Variants in ADCY8 observed in about 807,000 individuals in gnomAD.
The protein encoded by ADCY8 is adenylate cyclase type 8.
In ADCY8, 51 loss-of-function variants were observed where a neutral mutation model predicts 119.7. That is an observed-to-expected ratio of 0.43 (90% CI 0.34 to 0.54). The LOEUF (loss-of-function observed/expected upper bound fraction) is 0.54, where lower values mean the gene tolerates loss of function less well. Among genes scored for constraint, ADCY8 ranks in the 20% least tolerant of loss-of-function variants. ADCY8 has a pLI of 0.03. For missense variants in ADCY8, 1,383 were observed against 1,598.8 expected (o/e 0.87, Z 2.30); for synonymous variants, 665 against 651.0 (o/e 1.02, Z -0.33).
At chr8:131,025,970 C>A (rs1586666423) in intron 1 of ADCY8, among the ~76,000 whole-genome samples, 1 of 152,318 alleles carries the variant, frequency 6.6e-6, no homozygotes, top group Middle Eastern at 3.4e-3. Flanking sequence ...ATAGCAGGAT[C>A]CTGGATTCTT....
At chr8:130,882,852 A>G (rs1041125639) in intron 8 of ADCY8, among the ~76,000 whole-genome samples, 1 of 152,212 alleles carries the variant, frequency 6.6e-6, no homozygotes. Context: ...AATGAAGAGT[A>G]TCTCGGTAAG....
intron 7 of ADCY8, among the ~76,000 whole-genome samples, chr8:130,897,859 T>C (rs367841123): frequency 0.011 from 1,607 of 147,276 alleles, 32 homozygotes; most frequent in African/African-American, 0.039. Context: ...AATACACATA[T>C]AAACACCACA....
chr8:130,914,821 A>G (rs1586566552), intron 5 of ADCY8, among the ~76,000 whole-genome samples: 1 of 152,174 alleles, frequency 6.6e-6, no homozygotes. Context: ...TTCTCTAGAC[A>G]CTCGGATTCT....
chr8:130,981,973 T>C (rs903516721), intron 2 of ADCY8, among the ~76,000 whole-genome samples: 29 of 152,210 alleles, frequency 1.9e-4, no homozygotes, highest in African/African-American at 6.8e-4. Context: ...AGATGTTGAA[T>C]CTAAGGTTGG....
intron 2 of ADCY8, among the ~76,000 whole-genome samples, chr8:130,980,507 A>G (rs1234408464): frequency 6.6e-6 from 1 of 152,196 alleles, no homozygotes; most frequent in African/African-American, 2.4e-5. Context: ...ATGTGGAAAA[A>G]AGATGGATGA....
At chr8:130,785,260 T>A (rs1267928459) in intron 16 of ADCY8, 123 bp downstream of exon 16, 3 of 598,712 alleles carry the variant, frequency 5.0e-6, no homozygotes, top group African/African-American at 3.8e-5. Flanking sequence ...TATAATCCAG[T>A]CCATTAGATT....
In ADCY8 at chr8:130,942,378, C is replaced by T. The variant is rs73346502; in HGVS notation, c.1353+973G>A. ...ATGTGTTACCTCTGTGTTTCCATGGCCCCCAGACTTACCTTCCTCATAACA... is the reference window on the plus strand; with the variant it reads ...ATGTGTTACCTCTGTGTTTCCATGGTCCCCAGACTTACCTTCCTCATAACA... On this transcript the variant is annotated intron_variant, in intron 4 of 17. Coordinates refer to ENST00000286355, the MANE Select transcript of ADCY8 (RefSeq NM_001115.3). Among the ~76,000 whole-genome samples the T allele has an allele frequency of 2.1e-3, 314 of 152,284 alleles. 2 individuals are homozygous for T. The highest frequency in any genetic ancestry group is 7.4e-3 in the African/African-American group (308 of 41,554).
intron 5 of ADCY8, among the ~76,000 whole-genome samples, chr8:130,923,673 T>C (rs1193105832): frequency 6.6e-6 from 1 of 152,184 alleles, no homozygotes; most frequent in Non-Finnish European, 1.5e-5. Context: ...ACATAGAATA[T>C]GTGAAGAGAA....
intron 2 of ADCY8, among the ~76,000 whole-genome samples, chr8:130,952,284 T>C (rs896197805): frequency 1.3e-5 from 2 of 152,212 alleles, no homozygotes; most frequent in African/African-American, 4.8e-5. Flanking sequence ...CAAAGATACC[T>C]ACACACATTT....
intron 5 of ADCY8, among the ~76,000 whole-genome samples, chr8:130,925,271 G>A (rs1359403658): frequency 6.6e-6 from 1 of 152,032 alleles, no homozygotes; most frequent in Non-Finnish European, 1.5e-5. Context: ...ATTATTTTAT[G>A]GGCATAGAAT....
chr8:130,811,215 G>A (rs1816155283), intron 14 of ADCY8, among the ~76,000 whole-genome samples: 1 of 152,142 alleles, frequency 6.6e-6, no homozygotes. Flanking sequence ...GATTATTCCA[G>A]TGGCTGATTA....
At chr8:130,873,188 T>C (rs73717224) in intron 8 of ADCY8, among the ~76,000 whole-genome samples, 7,883 of 152,296 alleles carry the variant, frequency 0.052, 638 homozygotes, top group African/African-American at 0.18. Flanking sequence ...AAAACCACAG[T>C]GCTTTCCTAG....
intron 8 of ADCY8, among the ~76,000 whole-genome samples, chr8:130,882,961 G>A (rs1818834145): frequency 6.6e-6 from 1 of 152,156 alleles, no homozygotes; most frequent in African/African-American, 2.4e-5. Flanking sequence ...GCATAGCACA[G>A]GCTAGGTGGT....
chr8:130,791,610 T>C (rs1815427955), intron 15 of ADCY8, among the ~76,000 whole-genome samples: 1 of 152,252 alleles, frequency 6.6e-6, no homozygotes, highest in Non-Finnish European at 1.5e-5. Flanking sequence ...CCTCCAAGGC[T>C]GCACAGGGCA....
intron 12 of ADCY8, among the ~76,000 whole-genome samples, chr8:130,822,460 AC>A (rs1816539373): frequency 6.6e-6 from 1 of 152,162 alleles, no homozygotes; most frequent in Admixed American, 6.5e-5. Context: ...ACTGTGAGCC[AC>A]ACATTGTCAT....
chr8:130,780,860 C>T lies in ADCY8; in HGVS notation c.3286G>A (p.Val1096Met). The change falls in exon 18 of 18, where the codon GTG (valine) becomes ATG (methionine). Residue 1096 changes from valine (V) to methionine (M), a missense_variant. By Grantham distance (21) the Val-to-Met change is conservative. This residue lies in a region of ADCY8 where 928 missense variants were observed against 1,163.5 expected (regional missense o/e 0.80). Coordinates refer to ENST00000286355, the MANE Select transcript of ADCY8 (RefSeq NM_001115.3). ...ELRIGISHGS[V>M]VAGVIGAKKP... ...TTAGCGCCGATAACGCCAGCTACCACTGAGCCGTGGCTGATGCCTGGGGGG... is the reference window on the plus strand; with the variant it reads ...TTAGCGCCGATAACGCCAGCTACCATTGAGCCGTGGCTGATGCCTGGGGGG... 1 of 1,613,828 alleles carries T rather than the reference C, an allele frequency of 6.2e-7. No homozygotes were observed.
At chr8:130,839,808 A>G (rs184560858) in intron 11 of ADCY8, among the ~76,000 whole-genome samples, 1 of 140,378 alleles carries the variant, frequency 7.1e-6, no homozygotes, top group Admixed American at 7.2e-5. Context: ...CACTGTAAAA[A>G]ATCCTCTAGT....
intron 7 of ADCY8, among the ~76,000 whole-genome samples, chr8:130,890,903 A>T (rs1819162804): frequency 6.6e-6 from 1 of 152,196 alleles, no homozygotes; most frequent in Non-Finnish European, 1.5e-5. Context: ...TAGCTATAGT[A>T]GTTGTGACTG....
chr8:130,837,547 T>A (rs983195160), intron 11 of ADCY8, among the ~76,000 whole-genome samples: 1 of 152,164 alleles, frequency 6.6e-6, no homozygotes, highest in African/African-American at 2.4e-5. Flanking sequence ...AAATTGCAAA[T>A]TTGGAATTAG....
Sources: allele counts gnomAD v4.1 joint callset (sites outside exome capture counted in the v4.1 genomes callset), GRCh38; gene constraint gnomAD v4.1.1; regional missense constraint gnomAD v4.1.1; transcripts MANE v1.5; gene names NCBI Gene and HGNC (gene_info 2026-07-23, HGNC 2026-07-21).